The following COL26A1 variants were observed in gnomAD, a reference collection of about 807,000 sequenced individuals.
COL26A1 encodes the protein collagen alpha-1(XXVI) chain.
COL26A1 carries 41 observed loss-of-function variants against 59.3 expected under a neutral mutation model. The observed-to-expected ratio is 0.69, with a 90% CI of 0.54 to 0.90. The LOEUF is 0.90. COL26A1 is among the 40% of genes least tolerant of loss of function. The pLI is 0.00. For synonymous variants in COL26A1, 266 were observed against 256.0 expected (o/e 1.04, Z -0.37); for missense variants, 612 against 602.3 (o/e 1.02, Z -0.17).
intron 3 of COL26A1, among the ~76,000 whole-genome samples, chr7:101,449,308 C>CA (rs1793274153): frequency 6.6e-6 from 1 of 152,334 alleles, no homozygotes; most frequent in South Asian, 2.1e-4. Context: ...TTGGACCTGC[C>CA]ATTCTGGTCA....
chr7:101,514,046 C>A lies in COL26A1; in HGVS notation c.386-19036C>A, dbSNP rs61360980. On this transcript the variant is annotated intron_variant, in intron 3 of 12. Coordinates refer to ENST00000313669, the MANE Select transcript of COL26A1 (RefSeq NM_001278563.3). ...CAATGTAGAAAATGCAAATTTAAAC[C>A]ACAACAAGGCTCGGCACGGTGGCTC... 3.3e-3 allele frequency among the ~76,000 whole-genome samples: 503 copies of A among 151,988 alleles called. 3 individuals carry two copies. The highest frequency in any genetic ancestry group is 0.011 in the African/African-American group (468 of 41,476).
intron 3 of COL26A1, among the ~76,000 whole-genome samples, chr7:101,467,232 C>T (rs533771876): frequency 6.6e-6 from 1 of 151,798 alleles, no homozygotes; most frequent in Non-Finnish European, 1.5e-5. Flanking sequence ...AGACATGGAC[C>T]CACAAGAAGT....
At chr7:101,379,990 ACTTT>A (rs1241557142) in intron 1 of COL26A1, among the ~76,000 whole-genome samples, 7 of 151,912 alleles carry the variant, frequency 4.6e-5, no homozygotes, top group East Asian at 1.9e-4. Context: ...TTACTTACTT[ACTTT>A]CTTTTTTTTC....
chr7:101,443,657 T>C (rs1404735150), intron 2 of COL26A1, among the ~76,000 whole-genome samples: 2 of 152,184 alleles, frequency 1.3e-5, no homozygotes, highest in East Asian at 3.8e-4. Context: ...AAAAGCTGAA[T>C]GTGTCTCCCT....
intron 3 of COL26A1, among the ~76,000 whole-genome samples, chr7:101,510,562 C>T (rs1794900648): frequency 6.6e-6 from 1 of 152,176 alleles, no homozygotes; most frequent in Non-Finnish European, 1.5e-5. Flanking sequence ...GAGCCTGGGG[C>T]TTGGGGCTGA....
At chr7:101,375,579 A>G (rs1791295809) in intron 1 of COL26A1, among the ~76,000 whole-genome samples, 2 of 151,992 alleles carry the variant, frequency 1.3e-5, no homozygotes, top group Non-Finnish European at 2.9e-5. Flanking sequence ...GCACACTTGC[A>G]ATCTCAGCTA....
chr7:101,555,791 A>AG lies in COL26A1; in HGVS notation c.1090dup (p.Val364GlyfsTer91). ...TGCCTGTTTCCTCCCCGCCAGGGCGAGGGGGTGCAGCAGCTGAGAGAGGCC... is the reference window on the plus strand; with the variant it reads ...TGCCTGTTTCCTCCCCGCCAGGGCGAGGGGGGTGCAGCAGCTGAGAGAGGCC... On this transcript the variant is annotated frameshift_variant, in exon 12 of 13. Coordinates refer to ENST00000313669, the MANE Select transcript of COL26A1 (RefSeq NM_001278563.3). LOFTEE classifies it high-confidence loss of function. 1 of 1,609,062 alleles carries AG rather than the reference A, an allele frequency of 6.2e-7. No homozygotes were observed. Among genetic ancestry groups the AG allele is most frequent in the Non-Finnish European group, 8.5e-7 (1 of 1,178,294 alleles).
At chr7:101,543,939 G>A in intron 5 of COL26A1, 59 bp from the exon 6 acceptor site, 1 of 1,291,310 alleles carries the variant, frequency 7.7e-7, no homozygotes, top group South Asian at 1.3e-5. Context: ...GCCAGGCCTG[G>A]AGCCACTGGA....
chr7:101,516,210 C>T (rs1284246215), intron 3 of COL26A1, among the ~76,000 whole-genome samples: 1 of 152,146 alleles, frequency 6.6e-6, no homozygotes, highest in Non-Finnish European at 1.5e-5. Context: ...TTCTAAGATC[C>T]TTCTTGTCTT....
chr7:101,532,071 G>A (rs1163985146), intron 3 of COL26A1, among the ~76,000 whole-genome samples: 1 of 152,068 alleles, frequency 6.6e-6, no homozygotes, highest in Non-Finnish European at 1.5e-5. Flanking sequence ...CTGACTTCTA[G>A]AGCAATAAAA....
intron 3 of COL26A1, among the ~76,000 whole-genome samples, chr7:101,488,656 G>A (rs13243870): frequency 0.41 from 62,156 of 151,736 alleles, 13,400 homozygotes; most frequent in African/African-American, 0.53. Flanking sequence ...GATTACAGGC[G>A]TAAGCCACCG....
intron 1 of COL26A1, among the ~76,000 whole-genome samples, chr7:101,401,220 T>C (rs998428184): frequency 1.3e-5 from 2 of 152,140 alleles, no homozygotes; most frequent in African/African-American, 2.4e-5. Context: ...CCCCAGAGGA[T>C]TGTAGAACAT....
intron 1 of COL26A1, among the ~76,000 whole-genome samples, chr7:101,409,880 C>T (rs1792204851): frequency 6.6e-6 from 1 of 152,138 alleles, no homozygotes; most frequent in Non-Finnish European, 1.5e-5. Context: ...CCTGTTTCAG[C>T]CTCCCGAGTA....
chr7:101,531,667 C>A (rs150557874), intron 3 of COL26A1, among the ~76,000 whole-genome samples: 2,170 of 152,244 alleles, frequency 0.014, 21 homozygotes, highest in South Asian at 0.028. Flanking sequence ...AGACTGAGCA[C>A]CCTGAGGGTA....
intron 3 of COL26A1, among the ~76,000 whole-genome samples, chr7:101,497,040 C>T (rs1343669642): frequency 6.6e-6 from 1 of 152,074 alleles, no homozygotes; most frequent in African/African-American, 2.4e-5. Flanking sequence ...GAGTTCGAGA[C>T]CAGCCTGGCC....
chr7:101,549,270 C>A (rs369272203), intron 9 of COL26A1, 47 bp downstream of exon 9: 12 of 1,411,002 alleles, frequency 8.5e-6, no homozygotes, highest in Admixed American at 5.5e-5. Flanking sequence ...CGGCGGGTGG[C>A]GGGTGGCCTT....
chr7:101,504,964 A>C (rs1379345026), intron 3 of COL26A1, among the ~76,000 whole-genome samples: 1 of 152,084 alleles, frequency 6.6e-6, no homozygotes, highest in Admixed American at 6.6e-5. Flanking sequence ...GACCAGCCTG[A>C]CCAATATGGT....
intron 3 of COL26A1, among the ~76,000 whole-genome samples, chr7:101,482,019 C>CTT (rs377074370): frequency 6.9e-6 from 1 of 143,974 alleles, no homozygotes. Context: ...ACTCTTTTTC[C>CTT]TTTTTTTTTT....
At chr7:101,410,668 C>T (rs1792222307) in intron 1 of COL26A1, among the ~76,000 whole-genome samples, 1 of 148,748 alleles carries the variant, frequency 6.7e-6, no homozygotes. Context: ...GTGTGCACCA[C>T]CACGCCCGGC....
Sources: gnomAD v4.1 joint callset for allele counts (sites outside exome capture counted in the v4.1 genomes callset) on GRCh38, gnomAD v4.1.1 for gene constraint, MANE v1.5 for transcripts, NCBI Gene and HGNC (gene_info 2026-07-23, HGNC 2026-07-21) for gene names.